Variants in CTPS2 observed in about 807,000 individuals in gnomAD.
CTPS2 encodes the protein CTP synthase 2, also known as CTP synthase II.
Under a neutral mutation model 46.8 loss-of-function variants are expected in CTPS2, and 19 were observed. The ratio of observed to expected loss-of-function variants is 0.41; its 90% confidence interval spans 0.28 to 0.60. The LOEUF (loss-of-function observed/expected upper bound fraction) is 0.60. CTPS2 is among the 20% of genes least tolerant of loss of function. The probability of loss-of-function intolerance (pLI) is 0.35; values close to 1 mark genes in which losing one functional copy is unlikely to be tolerated. For missense variants in CTPS2, 286 were observed against 447.6 expected (o/e 0.64, Z 3.26); for synonymous variants, 151 against 165.2 (o/e 0.91, Z 0.66).
intron 15 of CTPS2, among the ~76,000 whole-genome samples, chrX:16,618,936 T>C (rs1013020153): frequency 1.8e-5 from 2 of 111,769 alleles, no homozygotes; most frequent in Non-Finnish European, 3.8e-5. Context: ...TGTCTGTCTT[T>C]CCCCTTTCCA....
At chrX:16,708,970 G>A (rs1007532219) in intron 1 of CTPS2, among the ~76,000 whole-genome samples, 1 of 110,365 alleles carries the variant, frequency 9.1e-6, no homozygotes, top group African/African-American at 3.3e-5. Context: ...TTAGCCAGGC[G>A]TGGTGGCAGG....
chrX:16,712,230 A>C (rs1437924067), intron 1 of CTPS2, 105 bp downstream of exon 1: 1 of 111,889 alleles, frequency 8.9e-6, no homozygotes, highest in Non-Finnish European at 1.9e-5. Context: ...CCGGCCCCAC[A>C]AGTGCACCGG....
chrX:16,695,445 C>A (rs1279812927), intron 4 of CTPS2, among the ~76,000 whole-genome samples: 1 of 112,504 alleles, frequency 8.9e-6, no homozygotes, highest in African/African-American at 3.2e-5. Context: ...TATAACAATA[C>A]TTTATGCTGA....
At chrX:16,645,120 C>T (rs936383759) in intron 13 of CTPS2, among the ~76,000 whole-genome samples, 4 of 110,109 alleles carry the variant, frequency 3.6e-5, no homozygotes, top group African/African-American at 1.3e-4. Context: ...GTAGCTGGGA[C>T]TACAGGCGCC....
At chrX:16,621,939 G>T (rs1185074365) in intron 14 of CTPS2, among the ~76,000 whole-genome samples, 1 of 111,049 alleles carries the variant, frequency 9.0e-6, no homozygotes, top group Non-Finnish European at 1.9e-5. Context: ...AATATTTAAG[G>T]TATGTATTTT....
intron 1 of CTPS2, among the ~76,000 whole-genome samples, chrX:16,706,100 CAA>C (rs750908411): frequency 7.8e-5 from 6 of 76,559 alleles, no homozygotes; most frequent in Non-Finnish European, 5.1e-5. Flanking sequence ...GACTCTGCCT[CAA>C]AAAAAAAAAA....
chrX:16,626,862 CCT>C (rs1931181141), intron 14 of CTPS2: 1 of 112,640 alleles, frequency 8.9e-6, no homozygotes, highest in African/African-American at 3.3e-5. Context: ...AAGACTGTAC[CCT>C]CTTTTCTTCT....
At chrX:16,593,290 G>A (rs185844226) in intron 17 of CTPS2, among the ~76,000 whole-genome samples, 9 of 109,703 alleles carry the variant, frequency 8.2e-5, no homozygotes, top group Non-Finnish European at 1.3e-4. Flanking sequence ...TTAGCCGGGT[G>A]TGGTGGCGGG....
chrX:16,709,572 C>T (rs918593480), intron 1 of CTPS2, among the ~76,000 whole-genome samples: 4 of 110,772 alleles, frequency 3.6e-5, no homozygotes. Context: ...ATCTTATGGC[C>T]GGGTGCAATG....
In CTPS2 at chrX:16,689,545, T is replaced by C. The variant is rs1158171232; in HGVS notation, c.777A>G (p.Glu259=). 8.3e-7 allele frequency: 1 copy of C among 1,209,164 alleles called. No homozygotes were observed. Among genetic ancestry groups the C allele is most frequent in the South Asian group, 1.8e-5 (1 of 56,676 alleles). ...CCTTAAAATATTTCACAATGCTTTG[T>C]TCCTCTAAAAGCACAGGAACTCGGT... The part of the protein sequence containing the change: ...STYRVPVLLE[E]QSIVKYFKER... The change falls in exon 8 of 19, where the codon GAA becomes GAG. Residue 259 remains glutamate, a synonymous_variant. Coordinates refer to ENST00000359276, the MANE Select transcript of CTPS2 (RefSeq NM_175859.3).
intron 9 of CTPS2, among the ~76,000 whole-genome samples, chrX:16,682,301 G>A (rs935040645): frequency 4.5e-5 from 5 of 111,557 alleles, no homozygotes; most frequent in Non-Finnish European, 9.4e-5. Context: ...CCTGGCCAAC[G>A]TGGTGAAACC....
chrX:16,690,491 A>T (rs1254438831), intron 7 of CTPS2, among the ~76,000 whole-genome samples: 1 of 111,535 alleles, frequency 9.0e-6, no homozygotes, highest in Non-Finnish European at 1.9e-5. Context: ...TTCGGCAATG[A>T]CTCTGAGGCA....
At chrX:16,620,421 A>G in intron 14 of CTPS2, 89 bp from the exon 15 acceptor site, 1 of 640,658 alleles carries the variant, frequency 1.6e-6, no homozygotes, top group Admixed American at 2.5e-5. Context: ...TGCCTGGATC[A>G]CTATCTATCT....
In CTPS2 at chrX:16,588,056, A is replaced by C. The variant is rs999045950; in HGVS notation, c.*1761T>G. 8.9e-6 allele frequency: 1 copy of C among 112,381 alleles called. No homozygotes were observed. The highest frequency in any genetic ancestry group is 1.9e-5 in the Non-Finnish European group (1 of 53,311). 9.3% of individuals were successfully genotyped at this position (112,381 alleles called of 1,213,427 possible). On this transcript the variant is annotated 3_prime_UTR_variant, in exon 19 of 19. Transcript: ENST00000359276. The stretch of plus-strand genomic sequence containing the variant: ...AGCCATAGAAAGGAATGAAATTCTG[A>C]CACATGCTACAACATGGGTAAACCT...
chrX:16,607,535 C>T (rs1930042347), intron 17 of CTPS2, among the ~76,000 whole-genome samples: 1 of 112,953 alleles, frequency 8.9e-6, no homozygotes, highest in African/African-American at 3.2e-5. Context: ...AAGGGGTGAA[C>T]ATCAATACAG....
At chrX:16,673,856 A>G (rs1921983027) in intron 10 of CTPS2, among the ~76,000 whole-genome samples, 1 of 111,601 alleles carries the variant, frequency 9.0e-6, no homozygotes, top group African/African-American at 3.3e-5. Context: ...ATTCTAGGTA[A>G]GGCTTGGGGA....
rs1422972807 is a variant in CTPS2, at chrX:16,645,722, T to C, written c.1297-6479A>G. 1.9e-4 allele frequency among the ~76,000 whole-genome samples: 21 copies of C among 112,947 alleles called. No homozygotes were observed. In the Admixed American group the frequency reaches 2.0e-3, roughly 11 times the overall value. On this transcript the variant is annotated intron_variant, in intron 13 of 18. Coordinates refer to ENST00000359276, the MANE Select transcript of CTPS2 (RefSeq NM_175859.3). ...CCCCAAAGTTGATGTGTTGCAAGCT[T>C]AATCCTCAGTGCAACAGTGTTGAGA...
chrX:16,709,579 A>G (rs1925291043), intron 1 of CTPS2, among the ~76,000 whole-genome samples: 2 of 106,503 alleles, frequency 1.9e-5, no homozygotes, highest in East Asian at 3.1e-4. Flanking sequence ...GGCCGGGTGC[A>G]ATGGCTCACG....
At chrX:16,674,695 G>A (rs190642722) in intron 10 of CTPS2, among the ~76,000 whole-genome samples, 65 of 106,219 alleles carry the variant, frequency 6.1e-4, no homozygotes, top group African/African-American at 1.6e-3. Context: ...AAAATTAGCC[G>A]GGCGTGGTGG....
Sources: allele counts gnomAD v4.1 joint callset (sites outside exome capture counted in the v4.1 genomes callset), GRCh38; gene constraint gnomAD v4.1.1; transcripts MANE v1.5; gene names NCBI Gene and HGNC (gene_info 2026-07-23, HGNC 2026-07-21).